The following TMC1 variants were observed in gnomAD, a reference collection of about 807,000 sequenced individuals.
The protein encoded by TMC1 is transmembrane channel-like protein 1.
TMC1 carries 84 observed loss-of-function variants against 105.8 expected under a neutral mutation model. The ratio of observed to expected loss-of-function variants is 0.79; its 90% CI spans 0.67 to 0.95. The LOEUF is 0.95. TMC1 is among the 40% of genes least tolerant of loss of function. The pLI is 0.00. For missense variants in TMC1, 817 were observed against 914.1 expected (o/e 0.89, Z 1.37); for synonymous variants, 315 against 311.5 (o/e 1.01, Z -0.12).
At chr9:72,604,599 C>T (rs1227891129) in intron 2 of TMC1, among the ~76,000 whole-genome samples, 1 of 152,170 alleles carries the variant, frequency 6.6e-6, no homozygotes, top group Non-Finnish European at 1.5e-5. Context: ...TGTCTCTTTC[C>T]ACAAGTTCCA....
At chr9:72,727,149 C>T (rs1031384498) in intron 8 of TMC1, among the ~76,000 whole-genome samples, 3 of 152,174 alleles carry the variant, frequency 2.0e-5, no homozygotes, top group African/African-American at 7.2e-5. Context: ...CTGGAATGCC[C>T]TCTCTGCCTA....
In TMC1 at chr9:72,691,004, T is replaced by A. The variant is rs144732876; in HGVS notation, c.64+2248T>A. ...CTCATAAAACTTTCTTGACTTTTTCTTATTCTTTTTATGGTTTTGCTCTTC... is the reference window on the plus strand; with the variant it reads ...CTCATAAAACTTTCTTGACTTTTTCATATTCTTTTTATGGTTTTGCTCTTC... On this transcript the variant is annotated intron_variant, in intron 6 of 23. Coordinates refer to ENST00000297784, the MANE Select transcript of TMC1 (RefSeq NM_138691.3). Among the ~76,000 whole-genome samples, 5 of 152,150 alleles carry A rather than the reference T, an allele frequency of 3.3e-5. No homozygotes were observed. In the East Asian group the frequency reaches 9.6e-4, roughly 29 times the overall value.
intron 20 of TMC1, among the ~76,000 whole-genome samples, chr9:72,824,579 C>T (rs1010560619): frequency 7.2e-5 from 11 of 152,076 alleles, no homozygotes; most frequent in African/African-American, 1.4e-4. Context: ...AAAGTCAGGC[C>T]GACTCTTCCC....
intron 3 of TMC1, among the ~76,000 whole-genome samples, chr9:72,623,183 TC>T (rs1278748156): frequency 1.4e-4 from 21 of 144,840 alleles, no homozygotes; most frequent in Non-Finnish European, 3.0e-4. Context: ...TTTTGTCTCA[TC>T]TTTGCTGTAA....
At chr9:72,573,899 C>T (rs1000397750) in intron 1 of TMC1, among the ~76,000 whole-genome samples, 9 of 152,142 alleles carry the variant, frequency 5.9e-5, no homozygotes, top group Non-Finnish European at 1.0e-4. Context: ...AGGGATTAAG[C>T]TCAGTACTCA....
intron 1 of TMC1, among the ~76,000 whole-genome samples, chr9:72,573,575 G>A (rs1824324220): frequency 6.6e-6 from 1 of 152,184 alleles, no homozygotes. Flanking sequence ...CATTAAGGGG[G>A]CAGGCAATAG....
At chr9:72,785,869 T>G (rs910611903) in intron 13 of TMC1, among the ~76,000 whole-genome samples, 2 of 152,244 alleles carry the variant, frequency 1.3e-5, no homozygotes, top group Non-Finnish European at 2.9e-5. Flanking sequence ...AGAGAACTAG[T>G]CCACATGTTG....
At chr9:72,801,645 CTGCCCAGGCATTTTAACTAACATCACGTG>C (rs1483467183) in intron 17 of TMC1, among the ~76,000 whole-genome samples, 1 of 152,174 alleles carries the variant, frequency 6.6e-6, no homozygotes, top group Non-Finnish European at 1.5e-5. Flanking sequence ...TTGATCAAAG[CTGCCCAGGCATTTTAACTAACATCACGTG>C]TGCAAAGTTT....
At chr9:72,771,499 C>T (rs1827925307) in intron 12 of TMC1, among the ~76,000 whole-genome samples, 1 of 152,158 alleles carries the variant, frequency 6.6e-6, no homozygotes, top group Non-Finnish European at 1.5e-5. Flanking sequence ...TCAAAGGCAA[C>T]CAATTGGGTT....
At chr9:72,728,116 A>G (rs534686788) in intron 8 of TMC1, among the ~76,000 whole-genome samples, 1 of 152,146 alleles carries the variant, frequency 6.6e-6, no homozygotes, top group Non-Finnish European at 1.5e-5. Context: ...GTTTATTACC[A>G]TGTATATCCC....
At chr9:72,581,306 G>A (rs940194322) in intron 2 of TMC1, among the ~76,000 whole-genome samples, 1 of 152,128 alleles carries the variant, frequency 6.6e-6, no homozygotes, top group Non-Finnish European at 1.5e-5. Flanking sequence ...TACCTTCCCA[G>A]GTTGTTTTAT....
intron 5 of TMC1, among the ~76,000 whole-genome samples, chr9:72,657,262 A>G (rs1403932350): frequency 6.6e-6 from 1 of 152,198 alleles, no homozygotes; most frequent in Non-Finnish European, 1.5e-5. Flanking sequence ...AACTCTCCTC[A>G]GGCAAAAAGA....
At chr9:72,725,374 T>C (rs199853778) in intron 8 of TMC1, among the ~76,000 whole-genome samples, 30,901 of 137,368 alleles carry the variant, frequency 0.22, 4,166 homozygotes, top group East Asian at 0.39. Context: ...TATATGTATA[T>C]ACACACACAC....
chr9:72,719,682 A>G (rs1826985773), intron 8 of TMC1, among the ~76,000 whole-genome samples: 1 of 152,168 alleles, frequency 6.6e-6, no homozygotes, highest in African/African-American at 2.4e-5. Flanking sequence ...CTATCCATCC[A>G]AGTGGGGGCT....
At position 72,581,555 on chromosome 9, in the gene TMC1, A is replaced by C. The variant is rs190428121; in HGVS notation, c.-306+3532A>C. On this transcript the variant is annotated intron_variant, in intron 2 of 23. Coordinates refer to ENST00000297784, the MANE Select transcript of TMC1 (RefSeq NM_138691.3). ...GACTCTTGGGCCAGTTTTATTACTA[A>C]AAGAAGAATTACAGTTTTGCTACAC... Among the ~76,000 whole-genome samples the C allele has an allele frequency of 8.5e-5, 13 of 152,306 alleles. No individual in the cohort carries two copies. The East Asian group carries it at 2.1e-3, about 25-fold the overall frequency.
rs3223165 is a variant in TMC1, at chr9:72,570,230, AGTGT to A, written c.-427-7640_-427-7637del. ...TGAAAGGGGGTGGGGCTCAAAGAGT[AGTGT>A]GTGTGTGTGTGTGTGTGTGTGTGTG... is the stretch of plus-strand genomic sequence containing the variant. On this transcript the variant is annotated intron_variant, in intron 1 of 23. Transcript: ENST00000297784. 2.6e-3 allele frequency among the ~76,000 whole-genome samples: 385 copies of A among 145,692 alleles called. 4 individuals carry two copies. Among genetic ancestry groups the A allele is most frequent in the African/African-American group, 6.4e-3 (256 of 39,758 alleles).
intron 1 of TMC1, among the ~76,000 whole-genome samples, chr9:72,554,670 A>G (rs1428117940): frequency 6.6e-6 from 1 of 152,178 alleles, no homozygotes; most frequent in Non-Finnish European, 1.5e-5. Context: ...TCACAAGCTT[A>G]AAGGACTTTG....
intron 2 of TMC1, among the ~76,000 whole-genome samples, chr9:72,603,866 T>G (rs1228922660): frequency 3.5e-5 from 5 of 144,906 alleles, no homozygotes; most frequent in Non-Finnish European, 7.5e-5. Flanking sequence ...TTTTTTTTTT[T>G]TTTTTTTTTT....
intron 2 of TMC1, among the ~76,000 whole-genome samples, chr9:72,602,317 G>C (rs1275722923): frequency 6.7e-6 from 1 of 149,330 alleles, no homozygotes; most frequent in Non-Finnish European, 1.5e-5. Context: ...AGCAAGAATT[G>C]AACCCAGATT....
Sources: allele counts gnomAD v4.1 joint callset (sites outside exome capture counted in the v4.1 genomes callset), GRCh38; gene constraint gnomAD v4.1.1; transcripts MANE v1.5; gene names NCBI Gene and HGNC (gene_info 2026-07-23, HGNC 2026-07-21).